Variants in SYTL5 observed in about 807,000 individuals in gnomAD.
The protein encoded by SYTL5 is synaptotagmin-like protein 5.
In SYTL5, 34 loss-of-function variants were observed where a neutral mutation model predicts 55.9. The observed-to-expected ratio is 0.61, with a 90% CI of 0.46 to 0.81. The LOEUF is 0.81. SYTL5 is among the 30% of genes least tolerant of loss of function. The pLI is 0.00. For synonymous variants in SYTL5, 221 were observed against 188.7 expected (o/e 1.17, Z -1.40); for missense variants, 637 against 546.7 (o/e 1.17, Z -1.65).
chrX:37,905,681 A>G, the SYTL5 span, among the ~76,000 whole-genome samples: 1 of 111,742 alleles, frequency 8.9e-6, no homozygotes, highest in Non-Finnish European at 1.9e-5. Flanking sequence ...TGCAGGAGGG[A>G]CTTTGCAAAG....
chrX:38,040,173 C>CAAAAA (rs61501646), intron 2 of SYTL5, among the ~76,000 whole-genome samples: 1 of 83,353 alleles, frequency 1.2e-5, no homozygotes, highest in Non-Finnish European at 2.5e-5. Flanking sequence ...GACTCCATCT[C>CAAAAA]AAAAAAAAAA....
At chrX:37,931,650 T>C in the SYTL5 span, among the ~76,000 whole-genome samples, 2 of 111,969 alleles carry the variant, frequency 1.8e-5, no homozygotes, top group African/African-American at 6.5e-5. Context: ...AGAACACTTA[T>C]AAAGGAGCTT....
At chrX:38,054,127 T>A (rs1353042655) in intron 2 of SYTL5, 86 bp from the exon 3 acceptor site, 3 of 690,245 alleles carry the variant, frequency 4.3e-6, no homozygotes, top group African/African-American at 2.2e-5. Context: ...AAATATTCTA[T>A]CTATTTTAGA....
chrX:38,115,483 CAA>C (rs772227891), intron 13 of SYTL5, among the ~76,000 whole-genome samples: 10 of 17,454 alleles, frequency 5.7e-4, no homozygotes, highest in African/African-American at 1.9e-3. Context: ...GACTCCGTCT[CAA>C]AAAAAAAAAA....
the SYTL5 span, among the ~76,000 whole-genome samples, chrX:37,988,523 C>T: frequency 2.9e-4 from 33 of 112,272 alleles, no homozygotes; most frequent in Non-Finnish European, 5.6e-4. Context: ...GGCTTTGCAA[C>T]TGGATAATAG....
At chrX:37,986,292 A>G in the SYTL5 span, among the ~76,000 whole-genome samples, 1 of 110,735 alleles carries the variant, frequency 9.0e-6, no homozygotes, top group African/African-American at 3.3e-5. Flanking sequence ...TCCCCGAGTG[A>G]GAAATTCCTG....
At chrX:38,099,735 T>A (rs767180149) in intron 9 of SYTL5, among the ~76,000 whole-genome samples, 3 of 111,423 alleles carry the variant, frequency 2.7e-5, no homozygotes, top group Non-Finnish European at 3.8e-5. Flanking sequence ...TGGTTTTATG[T>A]TGAGGTAAAT....
chrX:38,046,020 C>T (rs192003179), intron 2 of SYTL5, among the ~76,000 whole-genome samples: 13 of 111,607 alleles, frequency 1.2e-4, no homozygotes, highest in African/African-American at 2.9e-4. Flanking sequence ...TGAATAAATA[C>T]GGAGTCCTTT....
chrX:38,124,410 A>G (rs1208792857), intron 15 of SYTL5, among the ~76,000 whole-genome samples: 1 of 111,803 alleles, frequency 8.9e-6, no homozygotes, highest in African/African-American at 3.2e-5. Context: ...TCTTTATTGT[A>G]AAGTCATTTG....
intron 12 of SYTL5, among the ~76,000 whole-genome samples, chrX:38,109,836 C>T (rs1329702518): frequency 1.8e-5 from 2 of 111,269 alleles, no homozygotes; most frequent in Admixed American, 1.9e-4. Context: ...TACACCTTTT[C>T]ACCTCTGCAC....
chrX:38,031,707 C>A (rs1296479484), intron 1 of SYTL5, among the ~76,000 whole-genome samples: 1 of 111,889 alleles, frequency 8.9e-6, no homozygotes, highest in African/African-American at 3.2e-5. Flanking sequence ...AGATGAGATA[C>A]ACAAGGGGTT....
chrX:37,959,632 C>G, the SYTL5 span, among the ~76,000 whole-genome samples: 1 of 111,909 alleles, frequency 8.9e-6, no homozygotes, highest in Non-Finnish European at 1.9e-5. Context: ...ACCTAATTCT[C>G]TAATGTAAGA....
the SYTL5 span, among the ~76,000 whole-genome samples, chrX:37,921,085 C>T: frequency 9.0e-6 from 1 of 111,474 alleles, no homozygotes; most frequent in African/African-American, 3.3e-5. Flanking sequence ...AGCAGTGTGG[C>T]CCTTGATCTA....
chrX:37,903,749 A>G, the SYTL5 span, among the ~76,000 whole-genome samples: 3 of 111,601 alleles, frequency 2.7e-5, no homozygotes, highest in Admixed American at 2.8e-4. Flanking sequence ...CTCATCTTGT[A>G]TATATTTCTC....
chrX:37,982,780 A>G, the SYTL5 span, among the ~76,000 whole-genome samples: 1 of 111,861 alleles, frequency 8.9e-6, no homozygotes, highest in African/African-American at 3.2e-5. Flanking sequence ...GAAGGTTCAT[A>G]TAACAAAAGC....
At chrX:38,090,526 T>A (rs1414050931) in intron 7 of SYTL5, among the ~76,000 whole-genome samples, 1 of 112,330 alleles carries the variant, frequency 8.9e-6, no homozygotes, top group Non-Finnish European at 1.9e-5. Flanking sequence ...ATTTTTTTAT[T>A]TAGCAGGAAG....
intron 5 of SYTL5, among the ~76,000 whole-genome samples, chrX:38,075,455 C>T (rs1190835531): frequency 1.8e-5 from 2 of 110,956 alleles, no homozygotes; most frequent in African/African-American, 6.6e-5. Context: ...CAATAAGTGC[C>T]AGTTGAGTAT....
At chrX:38,069,059 C>T (rs1400394022) in intron 3 of SYTL5, among the ~76,000 whole-genome samples, 1 of 111,100 alleles carries the variant, frequency 9.0e-6, no homozygotes, top group Non-Finnish European at 1.9e-5. Flanking sequence ...AGCTTGCAGG[C>T]TGTACAAAAT....
intron 6 of SYTL5, among the ~76,000 whole-genome samples, chrX:38,079,174 T>C (rs1189730044): frequency 8.9e-6 from 1 of 112,034 alleles, no homozygotes; most frequent in Non-Finnish European, 1.9e-5. Context: ...CTTTGGTCTA[T>C]TGCCTGACCC....
Sources: allele counts gnomAD v4.1 joint callset (sites outside exome capture counted in the v4.1 genomes callset), GRCh38; gene constraint gnomAD v4.1.1; transcripts MANE v1.5; gene names NCBI Gene and HGNC (gene_info 2026-07-23, HGNC 2026-07-21).